BTD: variants seen among roughly 807,000 people sequenced by gnomAD.
The protein encoded by BTD is biocytinase.
BTD carries 13 observed loss-of-function variants against 17.7 expected under a neutral mutation model. The ratio of observed to expected loss-of-function variants is 0.74; its 90% CI spans 0.48 to 1.17. BTD has a LOEUF of 1.17. Among genes scored for constraint, BTD ranks in the 50% most tolerant of loss-of-function variants. The pLI is 0.00. For synonymous variants in BTD, 240 were observed against 245.2 expected (o/e 0.98, Z 0.20); for missense variants, 674 against 650.4 (o/e 1.04, Z -0.39).
At chr3:15,693,275 T>G (rs2069042913) in intron 3 of BTD, among the ~76,000 whole-genome samples, 1 of 151,980 alleles carries the variant, frequency 6.6e-6, no homozygotes, top group South Asian at 2.1e-4. Context: ...TTTCTACCAT[T>G]ACCACCATAT....
At chr3:15,701,007 A>T (rs1297576624) in intron 3 of BTD, among the ~76,000 whole-genome samples, 4 of 152,192 alleles carry the variant, frequency 2.6e-5, no homozygotes, top group Non-Finnish European at 5.9e-5. Context: ...AAATACGTCT[A>T]CCCAAATATT....
chr3:15,674,055 C>A (rs1194162793), intron 3 of BTD, among the ~76,000 whole-genome samples: 1 of 150,090 alleles, frequency 6.7e-6, no homozygotes, highest in Non-Finnish European at 1.5e-5. Flanking sequence ...ACTTATAGTG[C>A]TAGCTACTTG....
chr3:15,688,317 G>A (rs1448638694), intron 3 of BTD, among the ~76,000 whole-genome samples: 1 of 152,060 alleles, frequency 6.6e-6, no homozygotes, highest in African/African-American at 2.4e-5. Flanking sequence ...TTAGGAACAG[G>A]GTTTCATCAT....
chr3:15,665,923 C>T (rs1305806617), intron 3 of BTD, among the ~76,000 whole-genome samples: 1 of 152,144 alleles, frequency 6.6e-6, no homozygotes, highest in Admixed American at 6.5e-5. Context: ...AGCCAGAGAC[C>T]CAGCTTGAAG....
chr3:15,678,388 A>T (rs2067177703), intron 3 of BTD: 1 of 1,572,796 alleles, frequency 6.4e-7, no homozygotes, highest in Admixed American at 1.8e-5. Context: ...ATATGACTAA[A>T]TTTGAATGTT....
rs557270376 is a variant in BTD, at chr3:15,670,993, T to A, written c.399+28936T>A. Among the ~76,000 whole-genome samples the A allele has an allele frequency of 6.6e-5, 10 of 152,372 alleles. No individual in the cohort carries two copies. The South Asian group carries it at 2.1e-3, about 32-fold the overall frequency. ...TTAATTTGTAGTTATGTAAGGAAAC[T>A]TTTTGATGCTAAGAAATCTTAAATG... On this transcript the variant is annotated intron_variant, in intron 3 of 3. Coordinates refer to the BTD transcript ENST00000672141.
At chr3:15,602,993 G>T (rs1263942083) in intron 1 of BTD, among the ~76,000 whole-genome samples, 4 of 152,164 alleles carry the variant, frequency 2.6e-5, no homozygotes, top group Admixed American at 2.0e-4. Context: ...CTTACATGGT[G>T]GCAGGCAAGA....
At chr3:15,654,243 G>A (rs771038369), downstream of BTD, among the ~76,000 whole-genome samples, 12 of 152,234 alleles carry the variant, frequency 7.9e-5, no homozygotes, top group Non-Finnish European at 1.5e-4. Context: ...GAGGGAAGGA[G>A]CATGGAGTCA....
intron 3 of BTD, among the ~76,000 whole-genome samples, chr3:15,697,060 C>T (rs1217278580): frequency 2.6e-5 from 4 of 152,156 alleles, no homozygotes; most frequent in South Asian, 2.1e-4. Flanking sequence ...TATCAACGAA[C>T]GAGTGCGTAA....
At chr3:15,659,911 G>A (rs1011622214) in intron 3 of BTD, among the ~76,000 whole-genome samples, 3 of 152,184 alleles carry the variant, frequency 2.0e-5, no homozygotes, top group Non-Finnish European at 4.4e-5. Context: ...GAGGTTCAGG[G>A]AGGTTTAATT....
At chr3:15,692,036 A>C (rs773018769) in intron 3 of BTD, among the ~76,000 whole-genome samples, 5 of 151,194 alleles carry the variant, frequency 3.3e-5, no homozygotes, top group Non-Finnish European at 5.9e-5. Context: ...GCTATGCAGG[A>C]GGCTGAGGCG....
intron 2 of BTD, among the ~76,000 whole-genome samples, chr3:15,637,081 C>T (rs901553462): frequency 1.8e-4 from 27 of 152,232 alleles, no homozygotes; most frequent in African/African-American, 6.0e-4. Context: ...GGAGCAGGAC[C>T]GTGTCCCTTA....
At chr3:15,679,411 C>G (rs1325837177) in intron 3 of BTD, 2 of 1,613,202 alleles carry the variant, frequency 1.2e-6, no homozygotes, top group Admixed American at 3.3e-5. Flanking sequence ...GGTGATCATT[C>G]TCACAGCAAT....
In BTD at chr3:15,649,451, G is replaced by A. The variant is rs1427284293; in HGVS notation, c.*3963G>A. On this transcript the variant is annotated 3_prime_UTR_variant, in exon 4 of 4. Coordinates refer to ENST00000643237, the MANE Select transcript of BTD (RefSeq NM_001370658.1). ...GAACCTCATTGGGTACCATCCTGCA[G>A]GTGGGCTGCCACTCTGCTCAATCCA... 6.6e-6 allele frequency among the ~76,000 whole-genome samples: 1 copy of A among 152,230 alleles called. No homozygotes were observed.
Position 15,720,260 on chromosome 3 carries a change from C to A in BTD, c.1016-1510C>A, listed in dbSNP as rs909554693. Among the ~76,000 whole-genome samples, 3 of 152,242 alleles carry A rather than the reference C, an allele frequency of 2.0e-5. No individual in the cohort carries two copies. In the South Asian group the frequency reaches 6.2e-4, roughly 32 times the overall value. ...GCAACTATTCCTTATGTGCAACACA[C>A]TGACAGTTTTTTTTCCCTAACACTG... On this transcript the variant is annotated intron_variant, in intron 4 of 4. Coordinates refer to the BTD transcript ENST00000672427.
Position 15,635,603 on chromosome 3 carries a change from C to T in BTD, c.164C>T (p.Ala55Val). The change falls in exon 2 of 4, where the codon GCT becomes GTT. Residue 55 changes from alanine to valine, a missense_variant. By Grantham distance (64) the Ala-to-Val change is moderately conservative. Coordinates refer to ENST00000643237, the MANE Select transcript of BTD (RefSeq NM_001370658.1). This position sits in a 1 kb window ranked among gnomAD's most constrained non-coding sequence, Gnocchi z 4.1. ...HPSILSLNPL[A>V]LISRQEALEL... ...TCCATCCTGAGTCTGAACCCTCTGG[C>T]TCTCATCAGCCGCCAAGAGGCCTTG... 1.2e-6 allele frequency: 2 copies of T among 1,614,214 alleles called. No homozygotes were observed. Among genetic ancestry groups the T allele is most frequent in the Non-Finnish European group, 1.7e-6 (2 of 1,180,040 alleles).
chr3:15,719,583 CATTT>C (rs1416131549), intron 4 of BTD, among the ~76,000 whole-genome samples: 11 of 152,148 alleles, frequency 7.2e-5, no homozygotes, highest in Non-Finnish European at 1.2e-4. Context: ...AATATTCATT[CATTT>C]GAGGCAAGGT....
At chr3:15,719,239 C>T (rs989229099) in intron 4 of BTD, among the ~76,000 whole-genome samples, 12 of 152,176 alleles carry the variant, frequency 7.9e-5, no homozygotes, top group African/African-American at 2.9e-4. Context: ...GCTGTTACAG[C>T]TGTCAGAATT....
In BTD at chr3:15,650,678, C is replaced by T. The variant is rs1244733806; in HGVS notation, c.*5190C>T. 1.3e-5 allele frequency among the ~76,000 whole-genome samples: 2 copies of T among 152,206 alleles called. No individual in the cohort carries two copies. Among genetic ancestry groups the T allele is most frequent in the Non-Finnish European group, 2.9e-5 (2 of 68,030 alleles). On this transcript the variant is annotated 3_prime_UTR_variant, in exon 4 of 4. Transcript: ENST00000643237. ...TAGAGAAGAAGCTCCTCTTTTTACA[C>T]AGTCCCTAATTAAAGTCTCAGAGAT...
Sources: gnomAD v4.1 joint callset for allele counts (sites outside exome capture counted in the v4.1 genomes callset) on GRCh38, gnomAD v4.1.1 for gene constraint, Gnocchi (gnomAD v3.1) non-coding constraint, MANE v1.5 for transcripts, NCBI Gene and HGNC (gene_info 2026-07-23, HGNC 2026-07-21) for gene names.